Variants in SNX29 observed in about 807,000 individuals in gnomAD.
SNX29 encodes the protein sorting nexin 29.
Under a neutral mutation model 102.1 loss-of-function variants are expected in SNX29, and 78 were observed. The observed-to-expected ratio is 0.76, with a 90% CI of 0.64 to 0.92. SNX29 has a LOEUF of 0.92. SNX29 is among the 40% of genes least tolerant of loss of function. The probability of loss-of-function intolerance (pLI) is 0.00; values close to 1 mark genes in which losing one functional copy is unlikely to be tolerated. For synonymous variants in SNX29, 580 were observed against 414.5 expected (o/e 1.40, Z -4.85); for missense variants, 1,280 against 1,061.7 (o/e 1.21, Z -2.86).
chr16:12,444,847 T>TG (rs1468399479), intron 18 of SNX29, among the ~76,000 whole-genome samples: 5 of 147,316 alleles, frequency 3.4e-5, no homozygotes, highest in Middle Eastern at 3.2e-3. Flanking sequence ...TTTTTGTTTT[T>TG]TTTTTTTTTT....
intron 11 of SNX29, among the ~76,000 whole-genome samples, chr16:12,080,520 A>G (rs1240500883): frequency 2.0e-5 from 3 of 151,992 alleles, no homozygotes; most frequent in South Asian, 2.1e-4. Context: ...TACTTACCCT[A>G]TAGTTTACTT....
Position 12,461,974 on chromosome 16 carries a change from AAAAAATATATATATATATATAT to A in SNX29, c.2038-15743_2038-15722del, listed in dbSNP as rs1251005404. Among the ~76,000 whole-genome samples the A allele has an allele frequency of 1.5e-3, 84 of 57,162 alleles. 2 individuals are homozygous for A. In the East Asian group the frequency reaches 0.048, roughly 33 times the overall value. The allele number at this position is 57,162 out of a possible 152,430, so 37.5% of individuals were successfully genotyped here. ...CTGTCTCAAAAAAAAAAAAAAAAAA[AAAAAATATATATATATATATAT>A]ATATATATATATATATGTATACACA... On this transcript the variant is annotated intron_variant, in intron 18 of 20. Coordinates refer to ENST00000566228, the MANE Select transcript of SNX29 (RefSeq NM_032167.5).
intron 18 of SNX29, among the ~76,000 whole-genome samples, chr16:12,474,996 C>T (rs1199994479): frequency 1.3e-5 from 2 of 152,220 alleles, no homozygotes; most frequent in South Asian, 2.1e-4. Flanking sequence ...CCTACTCATT[C>T]CTAACCCAAG....
chr16:12,087,487 C>T (rs1168841080), intron 11 of SNX29: 1 of 235,326 alleles, frequency 4.2e-6, no homozygotes, highest in African/African-American at 2.2e-5. Flanking sequence ...GACTCAGCTT[C>T]TTGGGAGAAT....
At chr16:12,410,373 A>C (rs2084350494) in intron 18 of SNX29, among the ~76,000 whole-genome samples, 1 of 152,114 alleles carries the variant, frequency 6.6e-6, no homozygotes, top group Non-Finnish European at 1.5e-5. Context: ...TTGGTATCCC[A>C]GGAAAACTTG....
At chr16:12,559,710 G>A (rs919056065) in intron 20 of SNX29, among the ~76,000 whole-genome samples, 2 of 152,058 alleles carry the variant, frequency 1.3e-5, no homozygotes, top group African/African-American at 2.4e-5. Context: ...CATCTCCCAT[G>A]GTGAGAACAC....
intron 20 of SNX29, among the ~76,000 whole-genome samples, chr16:12,528,755 C>T (rs1396564465): frequency 6.6e-6 from 1 of 152,234 alleles, no homozygotes; most frequent in African/African-American, 2.4e-5. Context: ...AATCTGTGGA[C>T]ATCCACGTTA....
intron 4 of SNX29, among the ~76,000 whole-genome samples, chr16:12,041,340 G>T (rs1001610098): frequency 6.6e-6 from 1 of 152,178 alleles, no homozygotes; most frequent in Non-Finnish European, 1.5e-5. Context: ...TCGAACCCCT[G>T]ACCTCAGATG....
At chr16:12,273,855 T>C (rs1364803300) in intron 14 of SNX29, among the ~76,000 whole-genome samples, 1 of 152,232 alleles carries the variant, frequency 6.6e-6, no homozygotes, top group Non-Finnish European at 1.5e-5. Context: ...CTTTCGGATC[T>C]GGCTTCTTTC....
intron 20 of SNX29, among the ~76,000 whole-genome samples, chr16:12,535,899 G>A (rs1170350341): frequency 2.6e-5 from 4 of 152,184 alleles, no homozygotes; most frequent in African/African-American, 4.8e-5. Context: ...CCCCTTCTTT[G>A]AGGTTAATTG....
chr16:12,190,565 T>G (rs1195971263), intron 13 of SNX29, among the ~76,000 whole-genome samples: 2 of 152,082 alleles, frequency 1.3e-5, no homozygotes, highest in African/African-American at 4.8e-5. Flanking sequence ...GTGTAGCTGT[T>G]CACCAGGGGC....
rs1430145064 is a variant in SNX29 at position 12,356,217 on chromosome 16, C to G, written c.1837C>G (p.Leu613Val). ...GTTCAACGAGCGCCTGCACAGGGCC[C>G]TGGTAGCCAAGGAAGCCCTCGTGTC... Reference protein sequence around the residue: ...IEFNERLHRALVAKEALVSQM... With the variant: ...IEFNERLHRAVVAKEALVSQM... The change falls in exon 16 of 21, where the codon CTG becomes GTG. Residue 613 changes from leucine (L) to valine (V), a missense_variant. Leu to Val is a conservative substitution (Grantham distance 32). Coordinates refer to ENST00000566228, the MANE Select transcript of SNX29 (RefSeq NM_032167.5). 10 of 1,613,438 alleles carry G rather than the reference C, an allele frequency of 6.2e-6. 1 individual carries two copies. The highest frequency in any genetic ancestry group is 8.5e-6 in the Non-Finnish European group (10 of 1,179,744).
chr16:12,307,180 G>A (rs925476037), intron 15 of SNX29, among the ~76,000 whole-genome samples: 1 of 152,176 alleles, frequency 6.6e-6, no homozygotes, highest in African/African-American at 2.4e-5. Context: ...TATAGAAAGA[G>A]TTGAGTTGAA....
At chr16:12,454,484 C>G (rs937803431) in intron 18 of SNX29, among the ~76,000 whole-genome samples, 1 of 152,198 alleles carries the variant, frequency 6.6e-6, no homozygotes, top group Non-Finnish European at 1.5e-5. Context: ...TGACATAGCA[C>G]ATGGCGTTTA....
chr16:12,567,080 T>C lies in SNX29; in HGVS notation c.2319-1426T>C, dbSNP rs540515717. On this transcript the variant is annotated intron_variant, in intron 20 of 20. Transcript: ENST00000566228. Reference sequence around the variant, plus strand: ...GCTGTTTCAGGGAACCCTGCAGGGATCCTCGAGGGGAATGATTTCTTTATG... The same window carrying C: ...GCTGTTTCAGGGAACCCTGCAGGGACCCTCGAGGGGAATGATTTCTTTATG... Among the ~76,000 whole-genome samples, 95 of 152,330 alleles carry C rather than the reference T, an allele frequency of 6.2e-4. 1 individual carries two copies. The highest frequency in any genetic ancestry group is 2.2e-3 in the African/African-American group (90 of 41,574).
At chr16:12,087,362 A>G (rs1277616755) in intron 11 of SNX29, 3 of 162,568 alleles carry the variant, frequency 1.8e-5, no homozygotes, top group Admixed American at 1.7e-4. Flanking sequence ...GGTTGCAATG[A>G]GCCGAGATCG....
intron 16 of SNX29, among the ~76,000 whole-genome samples, chr16:12,369,921 A>G (rs980664080): frequency 3.3e-5 from 5 of 152,186 alleles, no homozygotes; most frequent in African/African-American, 1.2e-4. Context: ...TTATTTGAAA[A>G]AATCTTTCTT....
chr16:12,303,114 C>T (rs940470463), intron 15 of SNX29, among the ~76,000 whole-genome samples: 3 of 152,174 alleles, frequency 2.0e-5, no homozygotes, highest in South Asian at 2.1e-4. Context: ...TGCAATTTAC[C>T]GTGAAGCTGT....
intron 3 of SNX29, among the ~76,000 whole-genome samples, chr16:12,016,124 C>A (rs868727153): frequency 2.0e-5 from 3 of 152,204 alleles, no homozygotes; most frequent in Non-Finnish European, 4.4e-5. Context: ...CTTGGCCTCC[C>A]AAAGTGCTGG....
Sources: gnomAD v4.1 joint callset for allele counts (sites outside exome capture counted in the v4.1 genomes callset) on GRCh38, gnomAD v4.1.1 for gene constraint, MANE v1.5 for transcripts, NCBI Gene and HGNC (gene_info 2026-07-23, HGNC 2026-07-21) for gene names.